Variants in SORL1 observed in about 807,000 individuals in gnomAD.
SORL1 encodes sortilin-related receptor.
SORL1 carries 127 observed loss-of-function variants against 273.7 expected under a neutral mutation model. The observed-to-expected ratio is 0.46, with a 90% CI of 0.40 to 0.54. The LOEUF (loss-of-function observed/expected upper bound fraction) is 0.54, where lower values mean the gene tolerates loss of function less well. SORL1 is among the 20% of genes least tolerant of loss of function. SORL1 has a pLI of 0.00. For missense variants in SORL1, 2,494 were observed against 2,846.1 expected (o/e 0.88, Z 2.81); for synonymous variants, 1,031 against 1,067.4 (o/e 0.97, Z 0.66).
At position 121,629,568 on chromosome 11, in the gene SORL1, GCTTTC is replaced by G; in HGVS notation, c.*8_*12del. ...GTCCCCATGGTGATAGCCTGAAAGA[GCTTTC>G]CTCACTAGAAACCAAATGGTGTAAA... On this transcript the variant is annotated 3_prime_UTR_variant, in exon 48 of 48. Coordinates refer to ENST00000260197, the MANE Select transcript of SORL1 (RefSeq NM_003105.6). The G allele has an allele frequency of 6.8e-7, 1 of 1,460,924 alleles. No individual in the cohort carries two copies. The highest frequency in any genetic ancestry group is 9.6e-7 in the Non-Finnish European group (1 of 1,040,378). 90.5% of individuals were successfully genotyped at this position (1,460,924 alleles called of 1,614,324 possible).
At chr11:121,478,884 G>A (rs1024072849) in intron 3 of SORL1, among the ~76,000 whole-genome samples, 3 of 151,990 alleles carry the variant, frequency 2.0e-5, no homozygotes, top group African/African-American at 7.3e-5. Context: ...GGGTACCTGT[G>A]TGTGTGCTTG....
intron 3 of SORL1, among the ~76,000 whole-genome samples, chr11:121,484,066 G>A (rs190804896): frequency 4.6e-5 from 7 of 152,170 alleles, no homozygotes; most frequent in Non-Finnish European, 8.8e-5. Context: ...CTTGTATTGA[G>A]CTGCTGTGCA....
intron 38 of SORL1, 112 bp downstream of exon 38, chr11:121,608,288 A>G (rs957699837): frequency 3.4e-6 from 3 of 870,786 alleles, no homozygotes; most frequent in African/African-American, 3.4e-5. Context: ...ACATCACACA[A>G]CTTTCTTCTC....
At chr11:121,605,793 A>G (rs78493991) in intron 35 of SORL1, among the ~76,000 whole-genome samples, 2,772 of 152,242 alleles carry the variant, frequency 0.018, 72 homozygotes, top group African/African-American at 0.063. Flanking sequence ...GATTCTCTCC[A>G]CCATTGCCCT....
chr11:121,603,931 T>C (rs1863429412), intron 32 of SORL1, among the ~76,000 whole-genome samples: 1 of 152,232 alleles, frequency 6.6e-6, no homozygotes, highest in Non-Finnish European at 1.5e-5. Flanking sequence ...AGCTGTTTGC[T>C]CAAGCTCATG....
intron 11 of SORL1, among the ~76,000 whole-genome samples, chr11:121,523,945 A>C (rs988336539): frequency 1.3e-5 from 2 of 152,222 alleles, no homozygotes; most frequent in African/African-American, 4.8e-5. Flanking sequence ...AAAAATACCA[A>C]CATTCATTTG....
chr11:121,549,792 C>G (rs539499452), intron 14 of SORL1, among the ~76,000 whole-genome samples, 168 bp from the exon 15 acceptor site: 48 of 150,574 alleles, frequency 3.2e-4, no homozygotes, highest in African/African-American at 1.1e-3. Context: ...TGATATAAAT[C>G]TTCTTTTGAA....
At chr11:121,577,476 G>A in intron 25 of SORL1, 76 bp downstream of exon 25, 1 of 1,388,932 alleles carries the variant, frequency 7.2e-7, no homozygotes, top group East Asian at 2.6e-5. Flanking sequence ...TAAACGATCG[G>A]AAAATCTAGG....
At chr11:121,492,329 C>G (rs1861565455) in intron 5 of SORL1, among the ~76,000 whole-genome samples, 1 of 152,094 alleles carries the variant, frequency 6.6e-6, no homozygotes, top group Non-Finnish European at 1.5e-5. Flanking sequence ...TCACTGCACT[C>G]CAGCCTGTGC....
intron 21 of SORL1, among the ~76,000 whole-genome samples, chr11:121,564,231 C>T (rs1426148416): frequency 6.6e-6 from 1 of 152,232 alleles, no homozygotes; most frequent in East Asian, 1.9e-4. Flanking sequence ...CTTCCATCTT[C>T]TTCCAGCTTC....
chr11:121,466,164 C>T (rs967033095), intron 1 of SORL1, among the ~76,000 whole-genome samples: 6 of 152,182 alleles, frequency 3.9e-5, no homozygotes, highest in African/African-American at 1.4e-4. Context: ...TATCAAGCTC[C>T]AGCTATGCCC....
intron 42 of SORL1, among the ~76,000 whole-genome samples, chr11:121,619,438 A>G (rs1379106131): frequency 1.3e-5 from 2 of 152,166 alleles, no homozygotes; most frequent in African/African-American, 4.8e-5. Context: ...TATGTGTGCC[A>G]TTTTCTCAGT....
At position 121,567,029 on chromosome 11, in the gene SORL1, T is replaced by C; in HGVS notation, c.3139T>C (p.Ser1047Pro). The change falls in exon 22 of 48, where the codon TCC becomes CCC. Residue 1047 changes from serine (S) to proline (P), a missense_variant. By Grantham distance (74) the Ser-to-Pro change is moderately conservative. Coordinates refer to ENST00000260197, the MANE Select transcript of SORL1 (RefSeq NM_003105.6). ...SRSCRCPEDV[S>P]SSVLPSGDLM... The stretch of plus-strand genomic sequence containing the variant: ...AAGCTGCAGGTGTCCAGAGGATGTG[T>C]CCAGCAGTGTGCTTCCATCAGGGGA... The C allele has an allele frequency of 1.2e-6, 2 of 1,614,242 alleles. No individual in the cohort carries two copies. The highest frequency in any genetic ancestry group is 1.7e-6 in the Non-Finnish European group (2 of 1,180,020).
chr11:121,604,340 C>CGGGCTGGGCTGGGCTGGGCT lies in SORL1; in HGVS notation c.4651+25_4651+44dup. ...GCCTGCAGTGGTGAGTGCCGGTCCACGGGCTGGGCTGGGCTGGGCTGGGCT... is the reference window on the plus strand; with the variant it reads ...GCCTGCAGTGGTGAGTGCCGGTCCACGGGCTGGGCTGGGCTGGGCTGGGCTGGGCTGGGCTGGGCTGGGCT... On this transcript the variant is annotated intron_variant, in intron 33 of 47. Coordinates refer to ENST00000260197, the MANE Select transcript of SORL1 (RefSeq NM_003105.6). 1 of 1,142,594 alleles carries CGGGCTGGGCTGGGCTGGGCT rather than the reference C, an allele frequency of 8.8e-7. No individual in the cohort carries two copies. The highest frequency in any genetic ancestry group is 1.3e-6 in the Non-Finnish European group (1 of 794,748). 70.8% of individuals were successfully genotyped at this position (1,142,594 alleles called of 1,614,324 possible).
intron 8 of SORL1, among the ~76,000 whole-genome samples, chr11:121,518,913 C>T (rs965359213): frequency 2.0e-5 from 3 of 151,314 alleles, no homozygotes; most frequent in African/African-American, 4.9e-5. Flanking sequence ...CTTAGAACCC[C>T]TGAAGTAAAG....
chr11:121,487,936 A>G lies in SORL1; in HGVS notation c.529-96A>G, dbSNP rs1861498060. The stretch of plus-strand genomic sequence containing the variant: ...CTTGTTGGTGCCAGCTGGCCCCTGC[A>G]CATGTGTGTACTCGTGTGGACTCGC... On this transcript the variant is annotated intron_variant, in intron 3 of 47. Coordinates refer to ENST00000260197, the MANE Select transcript of SORL1 (RefSeq NM_003105.6). 9 of 1,320,382 alleles carry G rather than the reference A, an allele frequency of 6.8e-6. No individual in the cohort carries two copies. In the South Asian group the frequency reaches 8.1e-5, roughly 12 times the overall value. The allele number at this position is 1,320,382 out of a possible 1,614,324, so 81.8% of individuals were successfully genotyped here. A position where few individuals can be genotyped will look rare whatever the true frequency, so the allele number is the denominator to read the frequency against.
chr11:121,459,910 A>T (rs1170712038), intron 1 of SORL1, among the ~76,000 whole-genome samples: 4 of 152,114 alleles, frequency 2.6e-5, no homozygotes, highest in Non-Finnish European at 4.4e-5. Flanking sequence ...TGACCTTTTA[A>T]CTTAGCTTGC....
intron 9 of SORL1, among the ~76,000 whole-genome samples, chr11:121,522,380 C>T (rs147345016): frequency 6.6e-6 from 1 of 152,304 alleles, no homozygotes; most frequent in Non-Finnish European, 1.5e-5. Context: ...TAATTGTTCT[C>T]TTCTTCCACG....
intron 12 of SORL1, among the ~76,000 whole-genome samples, chr11:121,534,745 G>T (rs188715944): frequency 6.6e-5 from 10 of 152,308 alleles, no homozygotes; most frequent in Admixed American, 5.9e-4. Flanking sequence ...AGACTACAAT[G>T]GTGATTTACT....
Sources: allele counts gnomAD v4.1 joint callset (sites outside exome capture counted in the v4.1 genomes callset), GRCh38; gene constraint gnomAD v4.1.1; transcripts MANE v1.5; gene names NCBI Gene and HGNC (gene_info 2026-07-23, HGNC 2026-07-21).